PPM1E: variants seen among roughly 807,000 people sequenced by gnomAD.
PPM1E encodes protein phosphatase 1E.
A neutral mutation model predicts 65.9 loss-of-function variants in PPM1E; 20 were observed. That is an observed-to-expected ratio of 0.30 (90% CI 0.21 to 0.44). The LOEUF (loss-of-function observed/expected upper bound fraction) is 0.44. Among genes scored for constraint, PPM1E ranks in the 20% least tolerant of loss-of-function variants. The probability of loss-of-function intolerance (pLI) is 1.00; values close to 1 mark genes in which losing one functional copy is unlikely to be tolerated. For synonymous variants in PPM1E, 352 were observed against 374.9 expected, an observed-to-expected ratio of 0.94 and a Z score of 0.70; for missense variants, 713 against 953.1, an observed-to-expected ratio of 0.75 and a Z score of 3.32.
intron 1 of PPM1E, among the ~76,000 whole-genome samples, chr17:58,913,477 C>T (rs2051651030): frequency 6.6e-6 from 1 of 152,152 alleles, no homozygotes; most frequent in Non-Finnish European, 1.5e-5. Context: ...TTCTTGCCCA[C>T]TGCACAGAGA....
chr17:58,846,122 G>A (rs2050768958), intron 1 of PPM1E, among the ~76,000 whole-genome samples: 1 of 152,116 alleles, frequency 6.6e-6, no homozygotes, highest in Non-Finnish European at 1.5e-5. Flanking sequence ...GATTACAAAT[G>A]TTATGATTAT....
chr17:58,820,853 G>T (rs953587161), intron 1 of PPM1E, among the ~76,000 whole-genome samples: 2 of 151,882 alleles, frequency 1.3e-5, no homozygotes, highest in African/African-American at 4.8e-5. Flanking sequence ...TAGTAGCAAT[G>T]GTCCTACTAA....
In PPM1E at chr17:58,983,065, G is replaced by A; in HGVS notation, c.*2034G>A. ...TTGATCAGAATAAAGAGGGTAAAGG[G>A]AAAAAGTTACTACACATGCTAGGCT... On this transcript the variant is annotated 3_prime_UTR_variant, in exon 7 of 7. Coordinates refer to ENST00000308249, the MANE Select transcript of PPM1E (RefSeq NM_014906.5). 1.4e-6 allele frequency: 1 copy of A among 728,480 alleles called. No individual in the cohort carries two copies. Among genetic ancestry groups the A allele is most frequent in the South Asian group, 2.1e-5 (1 of 47,610 alleles). The allele number at this position is 728,480 out of a possible 1,614,324, so 45.1% of individuals were successfully genotyped here.
intron 1 of PPM1E, among the ~76,000 whole-genome samples, chr17:58,891,832 C>CTTTTTTTTTTTTTTTTT (rs5821250): frequency 5.1e-4 from 44 of 85,462 alleles, no homozygotes; most frequent in African/African-American, 7.2e-4. Context: ...TTTTCTTTTT[C>CTTTTTTTTTTTTTTTTT]TTTTTTTTTT....
intron 3 of PPM1E, chr17:58,966,315 G>A (rs1444500771): frequency 8.6e-6 from 3 of 348,360 alleles, no homozygotes; most frequent in South Asian, 4.5e-5. Flanking sequence ...AGGAGTTTGA[G>A]ACCAGCCTGG....
At chr17:58,900,558 G>A (rs9894274) in intron 1 of PPM1E, among the ~76,000 whole-genome samples, 96,814 of 152,012 alleles carry the variant, frequency 0.64, 31,203 homozygotes, top group African/African-American at 0.71. Flanking sequence ...TGTAAACATA[G>A]CTTTTATATG....
At chr17:58,888,837 T>C (rs540775120) in intron 1 of PPM1E, among the ~76,000 whole-genome samples, 4 of 152,344 alleles carry the variant, frequency 2.6e-5, no homozygotes, top group African/African-American at 4.8e-5. Context: ...TATTAGATAG[T>C]TGAATGTCAT....
intron 1 of PPM1E, among the ~76,000 whole-genome samples, chr17:58,933,616 T>C: frequency 6.6e-6 from 1 of 151,436 alleles, no homozygotes; most frequent in Non-Finnish European, 1.5e-5. Context: ...GCCAACATGG[T>C]GAAACTCCAT....
In PPM1E at chr17:58,896,853, A is replaced by T. The variant is rs184571083; in HGVS notation, c.465-58796A>T. ...GGGACTTTCATAACTACAGAGGATA[A>T]GTCAATGCTTGGCTTCAAAGCTTCA... is the stretch of plus-strand genomic sequence containing the variant. On this transcript the variant is annotated intron_variant, in intron 1 of 6. Coordinates refer to ENST00000308249, the MANE Select transcript of PPM1E (RefSeq NM_014906.5). Among the ~76,000 whole-genome samples the T allele has an allele frequency of 1.4e-4, 21 of 152,336 alleles. No homozygotes were observed. In the East Asian group the frequency reaches 3.9e-3, roughly 28 times the overall value.
intron 1 of PPM1E, among the ~76,000 whole-genome samples, chr17:58,937,598 C>T (rs1306220407): frequency 9.7e-5 from 14 of 145,012 alleles, no homozygotes; most frequent in African/African-American, 1.3e-4. Context: ...TGCCTACGGC[C>T]GGGTGTGGTG....
intron 1 of PPM1E, among the ~76,000 whole-genome samples, chr17:58,803,249 C>T (rs959373876): frequency 1.3e-5 from 2 of 152,036 alleles, no homozygotes; most frequent in African/African-American, 4.8e-5. Flanking sequence ...AGGTACATTC[C>T]TTCAATACCT....
chr17:58,886,573 A>G (rs1263791192), intron 1 of PPM1E, among the ~76,000 whole-genome samples: 2 of 151,842 alleles, frequency 1.3e-5, no homozygotes, highest in Non-Finnish European at 1.5e-5. Context: ...CCACAATTCC[A>G]TTTTCTTTTA....
chr17:58,920,772 A>G (rs1324702288), intron 1 of PPM1E, among the ~76,000 whole-genome samples: 3 of 152,222 alleles, frequency 2.0e-5, no homozygotes, highest in Non-Finnish European at 4.4e-5. Context: ...GACCAGAAAC[A>G]TACAATGGGA....
chr17:58,973,716 G>C (rs2143750276), intron 6 of PPM1E, among the ~76,000 whole-genome samples: 1 of 152,176 alleles, frequency 6.6e-6, no homozygotes, highest in East Asian at 1.9e-4. Flanking sequence ...ACTTTGGGAG[G>C]CTGAGGTGGG....
rs1467740908 is a variant in PPM1E at position 58,980,740 on chromosome 17, C to A, written c.1977C>A (p.Ser659=). The change falls in exon 7 of 7, where the codon TCC becomes TCA. Residue 659 remains serine, a synonymous_variant. Transcript: ENST00000308249. The surrounding 1 kb of genome is among the most constrained non-coding windows in gnomAD (Gnocchi z 4.7). ...CSGLENEQFK[S]PGNRVSRLSH... ...GGTTGGAAAATGAACAGTTCAAATCCCCGGGAAACAGAGTTTCTAGATTGT... is the reference window on the plus strand; with the variant it reads ...GGTTGGAAAATGAACAGTTCAAATCACCGGGAAACAGAGTTTCTAGATTGT... The A allele has an allele frequency of 3.1e-6, 5 of 1,613,940 alleles. No homozygotes were observed. Among genetic ancestry groups the A allele is most frequent in the Non-Finnish European group, 4.2e-6 (5 of 1,180,022 alleles).
At chr17:58,800,435 G>A (rs535740105) in intron 1 of PPM1E, among the ~76,000 whole-genome samples, 1 of 151,754 alleles carries the variant, frequency 6.6e-6, no homozygotes, top group East Asian at 1.9e-4. Context: ...CTTTGGTATT[G>A]GGTTATTTTG....
intron 1 of PPM1E, among the ~76,000 whole-genome samples, chr17:58,819,000 C>A (rs2050453630): frequency 6.6e-6 from 1 of 152,186 alleles, no homozygotes; most frequent in Non-Finnish European, 1.5e-5. Flanking sequence ...ACAACATGGG[C>A]TCCGTGGCTA....
intron 1 of PPM1E, among the ~76,000 whole-genome samples, chr17:58,941,880 C>T (rs550197438): frequency 6.6e-6 from 1 of 151,224 alleles, no homozygotes; most frequent in South Asian, 2.1e-4. Flanking sequence ...TGGCAGGCAC[C>T]TGTAATCCCA....
intron 1 of PPM1E, among the ~76,000 whole-genome samples, chr17:58,928,984 G>A (rs565206063): frequency 2.0e-5 from 3 of 152,172 alleles, no homozygotes; most frequent in East Asian, 1.9e-4. Context: ...GATTACAGGC[G>A]TGAGCCACTG....
Sources: gnomAD v4.1 joint callset for allele counts (sites outside exome capture counted in the v4.1 genomes callset) on GRCh38, gnomAD v4.1.1 for gene constraint, Gnocchi (gnomAD v3.1) non-coding constraint, MANE v1.5 for transcripts, NCBI Gene and HGNC (gene_info 2026-07-23, HGNC 2026-07-21) for gene names.